S100A7A: variants seen among roughly 807,000 people sequenced by gnomAD.
S100A7A encodes the protein protein S100-A7A.
S100A7A carries 5 observed loss-of-function variants against 4.0 expected under a neutral mutation model. The observed-to-expected ratio is 1.26, with a 90% confidence interval of 0.66 to 2.66. The LOEUF (loss-of-function observed/expected upper bound fraction) is 2.66, where lower values mean the gene tolerates loss of function less well. S100A7A is among the 30% of genes most tolerant of loss of function. S100A7A has a pLI of 0.01. For missense variants in S100A7A, 159 were observed against 125.1 expected, an observed-to-expected ratio of 1.27 and a Z score of -1.29; for synonymous variants, 52 against 46.4, an observed-to-expected ratio of 1.12 and a Z score of -0.49.
chr1:153,417,172 C>T (rs924238022), intron 1 of S100A7A: 1 of 152,338 alleles, frequency 6.6e-6, no homozygotes, highest in Non-Finnish European at 1.5e-5. Context: ...AGGTCCTTTT[C>T]TGGTTCTTTG....
chr1:153,418,046 A>T lies in S100A7A; in HGVS notation c.-17-20A>T. On this transcript the variant is annotated intron_variant, in intron 1 of 2. Transcript: ENST00000368729. ...TTAATTCAAACTAAGGTAAGAAATG[A>T]TTGTCTTTATTTCCTGAAGGCTTTT... 1 of 1,612,182 alleles carries T rather than the reference A, an allele frequency of 6.2e-7. No homozygotes were observed. Among genetic ancestry groups the T allele is most frequent in the Non-Finnish European group, 8.5e-7 (1 of 1,178,436 alleles).
rs1472829212 is a variant in S100A7A, at chr1:153,421,355, C to T, written c.*2046C>T. 6.6e-6 allele frequency: 1 copy of T among 152,208 alleles called. No homozygotes were observed. Among genetic ancestry groups the T allele is most frequent in the Non-Finnish European group, 1.5e-5 (1 of 68,046 alleles). 9.4% of individuals were successfully genotyped at this position (152,208 alleles called of 1,614,324 possible). On this transcript the variant is annotated 3_prime_UTR_variant, in exon 3 of 3. Coordinates refer to ENST00000368729, the MANE Select transcript of S100A7A (RefSeq NM_176823.4). The stretch of plus-strand genomic sequence containing the variant: ...TCTTACCATAGTGGCTACATTACTT[C>T]AGATTCCCCTAATGTCTTTCCAGCC...
chr1:153,416,731 G>A (rs150407210), intron 1 of S100A7A, among the ~76,000 whole-genome samples, 168 bp downstream of exon 1: 1,601 of 152,328 alleles, frequency 0.011, 17 homozygotes, highest in Non-Finnish European at 0.014. Context: ...AAAAGCCCAC[G>A]TCTGTACAAC....
In S100A7A at chr1:153,418,154, T is replaced by C. The variant is rs1391556053; in HGVS notation, c.72T>C (p.Asp24=). The change falls in exon 2 of 3, where the codon GAT becomes GAC. Residue 24 remains aspartate, a synonymous_variant. Transcript: ENST00000368729. The stretch of plus-strand genomic sequence containing the variant: ...TGTTTCACAAATACACCGGACGTGA[T>C]GGCAAGATTGAGAAGCCAAGCCTGC... The part of the protein sequence containing the change: ...IDMFHKYTGR[D]GKIEKPSLLT... The C allele has an allele frequency of 6.2e-7, 1 of 1,613,964 alleles. No homozygotes were observed. Among genetic ancestry groups the C allele is most frequent in the Non-Finnish European group, 8.5e-7 (1 of 1,179,966 alleles).
chr1:153,418,838 G>A (rs1362924594), intron 2 of S100A7A, among the ~76,000 whole-genome samples: 1 of 152,178 alleles, frequency 6.6e-6, no homozygotes, highest in Middle Eastern at 3.2e-3. Flanking sequence ...GCCCTTAAAT[G>A]CTGGGAACAG....
Position 153,420,984 on chromosome 1 carries a change from C to G in S100A7A, c.*1675C>G, listed in dbSNP as rs994355628. On this transcript the variant is annotated 3_prime_UTR_variant, in exon 3 of 3. Coordinates refer to ENST00000368729, the MANE Select transcript of S100A7A (RefSeq NM_176823.4). ...TCTCTCCTCCACCGGGACTGCTGGT[C>G]ACTGCTTAGAACCGTCATGCCAGGG... The G allele has an allele frequency of 1.3e-5, 2 of 152,540 alleles. No homozygotes were observed. The highest frequency in any genetic ancestry group is 2.9e-5 in the Non-Finnish European group (2 of 68,336). The allele number at this position is 152,540 out of a possible 1,614,324, so 9.4% of individuals were successfully genotyped here.
Position 153,419,595 on chromosome 1 carries a change from G to A in S100A7A, c.*286G>A. 1 of 414,020 alleles carries A rather than the reference G, an allele frequency of 2.4e-6. No individual in the cohort carries two copies. Among genetic ancestry groups the A allele is most frequent in the Admixed American group, 4.0e-5 (1 of 25,198 alleles). 25.6% of individuals were successfully genotyped at this position (414,020 alleles called of 1,614,324 possible). ...TTCCCTAAATGCAGCCACCTTGGCA[G>A]GTTCCAGGTGGAAGTTGGTAGAAGG... On this transcript the variant is annotated 3_prime_UTR_variant, in exon 3 of 3. Coordinates refer to ENST00000368729, the MANE Select transcript of S100A7A (RefSeq NM_176823.4).
At position 153,421,160 on chromosome 1, in the gene S100A7A, C is replaced by T. The variant is rs994720932; in HGVS notation, c.*1851C>T. 1.3e-5 allele frequency: 2 copies of T among 152,204 alleles called. No individual in the cohort carries two copies. The highest frequency in any genetic ancestry group is 4.8e-5 in the African/African-American group (2 of 41,444). 9.4% of individuals were successfully genotyped at this position (152,204 alleles called of 1,614,324 possible). ...GTCTCAATACCAATCTTTTAAACTA[C>T]TGCCTCTACCAGAAATGTCTTTTAA... On this transcript the variant is annotated 3_prime_UTR_variant, in exon 3 of 3. Coordinates refer to ENST00000368729, the MANE Select transcript of S100A7A (RefSeq NM_176823.4).
rs1571188469 is a variant in S100A7A at position 153,422,957 on chromosome 1, T to C, written c.*3648T>C. On this transcript the variant is annotated 3_prime_UTR_variant, in exon 3 of 3. Coordinates refer to ENST00000368729, the MANE Select transcript of S100A7A (RefSeq NM_176823.4). The stretch of plus-strand genomic sequence containing the variant: ...CATGTTCCCTTATAAATCTGCGAGG[T>C]AGTTTCTTTGGTATTCTTGCCCAGG... 6.6e-6 allele frequency: 1 copy of C among 152,274 alleles called. No individual in the cohort carries two copies. Among genetic ancestry groups the C allele is most frequent in the East Asian group, 1.9e-4 (1 of 5,186 alleles). 9.4% of individuals were successfully genotyped at this position (152,274 alleles called of 1,614,324 possible).
At chr1:153,418,328 A>G (rs1474704547) in intron 2 of S100A7A, 105 bp downstream of exon 2, 2 of 1,486,324 alleles carry the variant, frequency 1.3e-6, no homozygotes, top group African/African-American at 2.8e-5. Context: ...CTGATTAAAA[A>G]GTTTCCCATT....
chr1:153,419,670 T>C lies in S100A7A; in HGVS notation c.*361T>C. Reference sequence around the variant, plus strand: ...CTCCTTGTCAAGGCATGGACCAGGGTCATTCAGACACATTCAGATACTGCA... The same window carrying C: ...CTCCTTGTCAAGGCATGGACCAGGGCCATTCAGACACATTCAGATACTGCA... On this transcript the variant is annotated 3_prime_UTR_variant, in exon 3 of 3. Coordinates refer to ENST00000368729, the MANE Select transcript of S100A7A (RefSeq NM_176823.4). 3.9e-6 allele frequency: 1 copy of C among 256,510 alleles called. No homozygotes were observed. The allele number at this position is 256,510 out of a possible 1,614,324, so 15.9% of individuals were successfully genotyped here. A position where few individuals can be genotyped will look rare whatever the true frequency, so the allele number is the denominator to read the frequency against.
Position 153,417,963 on chromosome 1 carries a change from C to T in S100A7A, c.-17-103C>T, listed in dbSNP as rs997090381. 7.7e-6 allele frequency: 11 copies of T among 1,421,900 alleles called. No individual in the cohort carries two copies. In the African/African-American group the frequency reaches 1.0e-4, roughly 13 times the overall value. 88.1% of individuals were successfully genotyped at this position (1,421,900 alleles called of 1,614,324 possible). On this transcript the variant is annotated intron_variant, in intron 1 of 2. Coordinates refer to ENST00000368729, the MANE Select transcript of S100A7A (RefSeq NM_176823.4). ...AAAAATCAAGTTCCTTCTGCTCCAT[C>T]TTAGGGCTGTTTTTACTCTGTCCTC...
chr1:153,418,594 A>G (rs868466226), intron 2 of S100A7A, among the ~76,000 whole-genome samples: 2 of 152,152 alleles, frequency 1.3e-5, no homozygotes, highest in Middle Eastern at 3.2e-3. Context: ...AAAGCACTAG[A>G]AGTTCCATTG....
In S100A7A at chr1:153,419,441, T is replaced by C. The variant is rs1219042999; in HGVS notation, c.*132T>C. 1.7e-5 allele frequency: 19 copies of C among 1,089,942 alleles called. No individual in the cohort carries two copies. The highest frequency in any genetic ancestry group is 4.8e-5 in the African/African-American group (3 of 62,146). The allele number at this position is 1,089,942 out of a possible 1,614,324, so 67.5% of individuals were successfully genotyped here. On this transcript the variant is annotated 3_prime_UTR_variant, in exon 3 of 3. Transcript: ENST00000368729. ...ACTACCAATTCCAGGTTAACTTTGTTGGAGAATTTCCCCCACCCCCATCCA... is the reference window on the plus strand; with the variant it reads ...ACTACCAATTCCAGGTTAACTTTGTCGGAGAATTTCCCCCACCCCCATCCA...
chr1:153,418,739 G>A (rs1571185100), intron 2 of S100A7A, among the ~76,000 whole-genome samples: 1 of 152,198 alleles, frequency 6.6e-6, no homozygotes, highest in East Asian at 1.9e-4. Context: ...TGGTGGAAAA[G>A]GAGAAGAAAG....
Position 153,422,437 on chromosome 1 carries a change from A to C in S100A7A, c.*3128A>C, listed in dbSNP as rs1216054705. On this transcript the variant is annotated 3_prime_UTR_variant, in exon 3 of 3. Coordinates refer to ENST00000368729, the MANE Select transcript of S100A7A (RefSeq NM_176823.4). ...ACATACTAGAGCAAGAATTTACTTG[A>C]TTTGGAATAATTAATAGCTACTGGA... 8 of 861,424 alleles carry C rather than the reference A, an allele frequency of 9.3e-6. No homozygotes were observed. The highest frequency in any genetic ancestry group is 1.1e-5 in the Non-Finnish European group (8 of 717,128). The allele number at this position is 861,424 out of a possible 1,614,324, so 53.4% of individuals were successfully genotyped here.
At position 153,422,593 on chromosome 1, in the gene S100A7A, CT is replaced by C. The variant is rs1329554032; in HGVS notation, c.*3294del. On this transcript the variant is annotated 3_prime_UTR_variant, in exon 3 of 3. Transcript: ENST00000368729. ...TTCTGATATCAAAACATTCCAATAA[CT>C]TTTTTTTTTCAGGCGCAGTCTCACT... 1,646 of 905,556 alleles carry C rather than the reference CT, an allele frequency of 1.8e-3. 7 individuals are homozygous for C. The highest frequency in any genetic ancestry group is 0.014 in the African/African-American group (789 of 55,442). The allele number at this position is 905,556 out of a possible 1,614,324, so 56.1% of individuals were successfully genotyped here. A position where few individuals can be genotyped will look rare whatever the true frequency, so the allele number is the denominator to read the frequency against.
Position 153,416,581 on chromosome 1 carries a change from CT to C in S100A7A, c.-18+21del. The C allele has an allele frequency of 2.1e-6, 1 of 477,112 alleles. No homozygotes were observed. The highest frequency in any genetic ancestry group is 1.7e-5 in the South Asian group (1 of 57,736). 29.6% of individuals were successfully genotyped at this position (477,112 alleles called of 1,614,324 possible). A position where few individuals can be genotyped will look rare whatever the true frequency, so the allele number is the denominator to read the frequency against. ...CAGTTCTGGTAAGTCTCACCTGCCTCTTTGCATTTTCTAGAAGTGCCCAGTG... is the reference window on the plus strand; with the variant it reads ...CAGTTCTGGTAAGTCTCACCTGCCTCTTGCATTTTCTAGAAGTGCCCAGTG... On this transcript the variant is annotated intron_variant, in intron 1 of 2. Transcript: ENST00000368729.
rs552161985 is a variant in S100A7A at position 153,419,757 on chromosome 1, T to C, written c.*448T>C. On this transcript the variant is annotated 3_prime_UTR_variant, in exon 3 of 3. Transcript: ENST00000368729. The stretch of plus-strand genomic sequence containing the variant: ...CCTCCCACTCCTGCCCCAGCTGTTC[T>C]CCAGGGCTTGGGGAAACAGAAACCA... The C allele has an allele frequency of 3.2e-5, 5 of 158,558 alleles. No homozygotes were observed. Among genetic ancestry groups the C allele is most frequent in the African/African-American group, 1.2e-4 (5 of 41,756 alleles). The allele number at this position is 158,558 out of a possible 1,614,324, so 9.8% of individuals were successfully genotyped here. A position where few individuals can be genotyped will look rare whatever the true frequency, so the allele number is the denominator to read the frequency against.
Sources: allele counts gnomAD v4.1 joint callset (sites outside exome capture counted in the v4.1 genomes callset), GRCh38; gene constraint gnomAD v4.1.1; transcripts MANE v1.5; gene names NCBI Gene and HGNC (gene_info 2026-07-23, HGNC 2026-07-21).